SHMT1: variants seen among roughly 807,000 people sequenced by gnomAD.
The protein encoded by SHMT1 is serine hydroxymethyltransferase, cytosolic.
In SHMT1, 45 loss-of-function variants were observed where a neutral mutation model predicts 49.0. That is an observed-to-expected ratio of 0.92 (90% CI 0.72 to 1.18). The LOEUF (loss-of-function observed/expected upper bound fraction) is 1.18. Ranked by LOEUF, SHMT1 falls within the 50% of genes most tolerant of loss-of-function variation. The pLI is 0.00. For missense variants in SHMT1, 541 were observed against 612.4 expected, an observed-to-expected ratio of 0.88 and a Z score of 1.23; for synonymous variants, 232 against 246.6, an observed-to-expected ratio of 0.94 and a Z score of 0.55.
At chr17:18,335,952 CTCT>C (rs148366906) in intron 7 of SHMT1, among the ~76,000 whole-genome samples, 16,614 of 152,158 alleles carry the variant, frequency 0.11, 1,000 homozygotes, top group South Asian at 0.18. Context: ...CTGATGGCAT[CTCT>C]TCTTAACACA....
chr17:18,359,170 G>A (rs1043675338), intron 1 of SHMT1, among the ~76,000 whole-genome samples: 2 of 150,584 alleles, frequency 1.3e-5, no homozygotes, highest in African/African-American at 4.9e-5. Flanking sequence ...CCCGGGAGGC[G>A]GAAGTTGTAG....
intron 1 of SHMT1, among the ~76,000 whole-genome samples, chr17:18,357,937 C>T (rs1260464728): frequency 6.8e-6 from 1 of 147,600 alleles, no homozygotes; most frequent in Non-Finnish European, 1.5e-5. Context: ...GATCTCGGCT[C>T]ACTGCAAGCT....
At chr17:18,352,147 C>CTT (rs1306144197) in intron 3 of SHMT1, among the ~76,000 whole-genome samples, 2 of 76,578 alleles carry the variant, frequency 2.6e-5, no homozygotes, top group Admixed American at 1.3e-4. Context: ...ACTCAGTCCC[C>CTT]TTCTTTTTTT....
At chr17:18,343,048 A>T (rs1389642803) in intron 5 of SHMT1, among the ~76,000 whole-genome samples, 1 of 152,196 alleles carries the variant, frequency 6.6e-6, no homozygotes, top group Non-Finnish European at 1.5e-5. Flanking sequence ...CAATGGAGAG[A>T]TACTGAGCAA....
chr17:18,360,100 T>C (rs1446407227), intron 1 of SHMT1, among the ~76,000 whole-genome samples: 1 of 150,812 alleles, frequency 6.6e-6, no homozygotes, highest in African/African-American at 2.4e-5. Flanking sequence ...AATACAAAAA[T>C]TAGATGGGCA....
intron 4 of SHMT1, 126 bp from the exon 5 acceptor site, chr17:18,347,782 C>A (rs1386236183): frequency 5.2e-6 from 5 of 965,706 alleles, no homozygotes; most frequent in Non-Finnish European, 7.9e-6. Flanking sequence ...TCCCTGAGCT[C>A]CAGGAGGTGC....
intron 1 of SHMT1, among the ~76,000 whole-genome samples, chr17:18,356,682 GT>G (rs1343217230): frequency 6.6e-6 from 1 of 152,144 alleles, no homozygotes; most frequent in Non-Finnish European, 1.5e-5. Context: ...GTTCTATCAA[GT>G]TGATAAACTA....
chr17:18,339,049 TAAAAAAAAAAAAAAAAAAAA>T (rs34704448), intron 7 of SHMT1, among the ~76,000 whole-genome samples: 1 of 26,852 alleles, frequency 3.7e-5, no homozygotes, highest in African/African-American at 1.8e-4. Flanking sequence ...CAATAAATAC[TAAAAAAAAAAAAAAAAAAAA>T]AAAAAAAAAA....
chr17:18,330,629 T>G lies in SHMT1; in HGVS notation c.1097A>C (p.Lys366Thr), dbSNP rs200618764. The change falls in exon 10 of 12, where the codon AAA becomes ACA. Residue 366 changes from lysine to threonine, a missense_variant. By Grantham distance (78) the Lys-to-Thr change is moderately conservative. Coordinates refer to ENST00000316694, the MANE Select transcript of SHMT1 (RefSeq NM_004169.5). ...CTCAGCCCTTCCACCATCTGTGCCT[T>G]TGGAACGGAGATCCACAAGGATCAA... ...NHLILVDLRS[K>T]GTDGGRAEKV... 3 of 1,614,046 alleles carry G rather than the reference T, an allele frequency of 1.9e-6. No individual in the cohort carries two copies. The highest frequency in any genetic ancestry group is 8.5e-7 in the Non-Finnish European group (1 of 1,179,980).
intron 3 of SHMT1, among the ~76,000 whole-genome samples, chr17:18,352,184 C>A (rs11078415): frequency 7.0e-6 from 1 of 143,490 alleles, no homozygotes; most frequent in Admixed American, 7.1e-5. Context: ...GGCTCGCTAT[C>A]GCCCAGGCTA....
At chr17:18,331,257 T>A in intron 9 of SHMT1, 1 of 205,966 alleles carries the variant, frequency 4.9e-6, no homozygotes, top group Non-Finnish European at 1.0e-5. Flanking sequence ...GTGCCTTGGG[T>A]GCTGACAGCA....
intron 1 of SHMT1, among the ~76,000 whole-genome samples, chr17:18,360,085 TA>T (rs1459624469): frequency 1.3e-4 from 19 of 151,280 alleles, no homozygotes; most frequent in African/African-American, 4.4e-4. Context: ...CCGTCTCTAC[TA>T]AAAAATACAA....
Position 18,340,349 on chromosome 17 carries a change from C to G in SHMT1, c.602-94G>C. The G allele has an allele frequency of 1.5e-6, 2 of 1,309,172 alleles. No individual in the cohort carries two copies. The highest frequency in any genetic ancestry group is 2.2e-6 in the Non-Finnish European group (2 of 918,642). The allele number at this position is 1,309,172 out of a possible 1,614,324, so 81.1% of individuals were successfully genotyped here. A position where few individuals can be genotyped will look rare whatever the true frequency, so the allele number is the denominator to read the frequency against. On this transcript the variant is annotated intron_variant, in intron 6 of 11. Coordinates refer to ENST00000316694, the MANE Select transcript of SHMT1 (RefSeq NM_004169.5). This position sits in a 1 kb window ranked among gnomAD's most constrained non-coding sequence, Gnocchi z 4.5. ...GCCTCTAGATGTGCAGATCTGAAAG[C>G]CCAGAGATTTCTTCCCTTAAAGTCT... is the stretch of plus-strand genomic sequence containing the variant.
intron 7 of SHMT1, among the ~76,000 whole-genome samples, chr17:18,338,468 C>T (rs961923175): frequency 2.1e-5 from 3 of 143,022 alleles, no homozygotes; most frequent in African/African-American, 7.5e-5. Flanking sequence ...GCCCGGCCGC[C>T]CCTTCTGGGA....
At chr17:18,341,229 G>A in intron 5 of SHMT1, 1 of 235,512 alleles carries the variant, frequency 4.2e-6, no homozygotes. Context: ...TAGGAAAGAA[G>A]AAATTTAAAA....
At chr17:18,361,785 C>T (rs75127766) in intron 1 of SHMT1, among the ~76,000 whole-genome samples, 2 of 86,538 alleles carry the variant, frequency 2.3e-5, no homozygotes, top group East Asian at 5.9e-4. Flanking sequence ...GACTCCGTCT[C>T]AAAAAAAAAA....
intron 7 of SHMT1, among the ~76,000 whole-genome samples, chr17:18,338,217 G>A (rs12601687): frequency 0.14 from 21,265 of 149,698 alleles, 1,813 homozygotes; most frequent in African/African-American, 0.19. Context: ...ACCTCTGCCC[G>A]GCTGCAACCC....
chr17:18,355,845 C>G, intron 2 of SHMT1, 41 bp downstream of exon 2: 1 of 1,249,248 alleles, frequency 8.0e-7, no homozygotes, highest in Non-Finnish European at 1.2e-6. Flanking sequence ...AAATGAAGGC[C>G]TCCAACATAA....
chr17:18,344,217 G>A (rs959403445), intron 5 of SHMT1, among the ~76,000 whole-genome samples: 5 of 152,166 alleles, frequency 3.3e-5, no homozygotes, highest in Non-Finnish European at 7.4e-5. Flanking sequence ...CAAGGTTTCG[G>A]GAACCAAGAC....
Sources: gnomAD v4.1 joint callset for allele counts (sites outside exome capture counted in the v4.1 genomes callset) on GRCh38, gnomAD v4.1.1 for gene constraint, Gnocchi (gnomAD v3.1) non-coding constraint, MANE v1.5 for transcripts, NCBI Gene and HGNC (gene_info 2026-07-23, HGNC 2026-07-21) for gene names.